Variants in CRIM1 observed in about 807,000 individuals in gnomAD.
CRIM1 encodes cysteine-rich motor neuron 1 protein.
Under a neutral mutation model 116.4 loss-of-function variants are expected in CRIM1, and 32 were observed. That is an observed-to-expected ratio of 0.27 (90% confidence interval 0.21 to 0.37). The LOEUF (loss-of-function observed/expected upper bound fraction) is 0.37, where lower values mean the gene tolerates loss of function less well. CRIM1 is among the 10% of genes least tolerant of loss of function. The pLI, the probability that CRIM1 is intolerant of heterozygous loss-of-function variation, is 1.00. For missense variants in CRIM1, 1,331 were observed against 1,354.8 expected (o/e 0.98, Z 0.28); for synonymous variants, 590 against 509.2 (o/e 1.16, Z -2.13).
chr2:36,537,382 A>G lies in CRIM1; in HGVS notation c.2459A>G (p.His820Arg), dbSNP rs1468972678. Residue 820 changes from histidine to arginine, a missense_variant, in exon 14 of 17, where the codon CAC becomes CGC. His to Arg is a conservative substitution (Grantham distance 29). Coordinates refer to ENST00000280527, the MANE Select transcript of CRIM1 (RefSeq NM_016441.3). ...EDTIPKKVVC[H>R]FSGKAYADEE... ...ACAATTCCAAAGAAGGTGGTGTGCC[A>G]CTTCAGTGGGAAGGCCTATGCCGAC... The G allele has an allele frequency of 6.2e-7, 1 of 1,614,234 alleles. No individual in the cohort carries two copies. The highest frequency in any genetic ancestry group is 8.5e-7 in the Non-Finnish European group (1 of 1,180,042).
At chr2:36,411,962 C>T (rs1673243760) in intron 2 of CRIM1, among the ~76,000 whole-genome samples, 1 of 152,202 alleles carries the variant, frequency 6.6e-6, no homozygotes, top group Admixed American at 6.5e-5. Context: ...CCACACCCAA[C>T]TTTGCAATTA....
At chr2:36,471,538 A>G (rs1678515217) in intron 5 of CRIM1, among the ~76,000 whole-genome samples, 1 of 152,174 alleles carries the variant, frequency 6.6e-6, no homozygotes, top group Non-Finnish European at 1.5e-5. Flanking sequence ...GATCGTTAGC[A>G]GTTTTTAGCA....
chr2:36,373,561 T>C (rs1354116400), intron 1 of CRIM1, among the ~76,000 whole-genome samples: 2 of 152,188 alleles, frequency 1.3e-5, no homozygotes, highest in Non-Finnish European at 2.9e-5. Context: ...CACATTTGTT[T>C]GTGATAGAGA....
intron 3 of CRIM1, 21 bp downstream of exon 3, chr2:36,441,521 A>G: frequency 6.2e-7 from 1 of 1,603,566 alleles, no homozygotes; most frequent in Non-Finnish European, 8.5e-7. Context: ...GCTCTGTCTC[A>G]GCAGCCTTGT....
chr2:36,367,259 A>G (rs774742184), intron 1 of CRIM1, among the ~76,000 whole-genome samples: 42 of 152,348 alleles, frequency 2.8e-4, no homozygotes, highest in Middle Eastern at 3.4e-3. Flanking sequence ...CATCAAAATG[A>G]AAGACCAAAT....
chr2:36,539,902 A>T (rs1035335473), intron 14 of CRIM1, among the ~76,000 whole-genome samples: 10 of 152,188 alleles, frequency 6.6e-5, no homozygotes, highest in Admixed American at 3.3e-4. Context: ...AAGTTTAGCC[A>T]TAGGTGGTTT....
chr2:36,494,655 CAG>C (rs1181721589), intron 7 of CRIM1, among the ~76,000 whole-genome samples: 1 of 152,124 alleles, frequency 6.6e-6, no homozygotes, highest in African/African-American at 2.4e-5. Flanking sequence ...GTTTCCCACT[CAG>C]ATGCTGAGTA....
intron 1 of CRIM1, among the ~76,000 whole-genome samples, chr2:36,377,490 A>G (rs1469959535): frequency 1.3e-5 from 2 of 152,208 alleles, no homozygotes; most frequent in East Asian, 1.9e-4. Flanking sequence ...GCGACCTGGC[A>G]TGGTGTGTTA....
intron 4 of CRIM1, among the ~76,000 whole-genome samples, chr2:36,462,644 G>T (rs535014377): frequency 6.6e-6 from 1 of 152,324 alleles, no homozygotes; most frequent in African/African-American, 2.4e-5. Context: ...TAGAAGATTT[G>T]TAAGAGAAGG....
At chr2:36,477,656 C>T (rs1375110037) in intron 6 of CRIM1, among the ~76,000 whole-genome samples, 1 of 152,194 alleles carries the variant, frequency 6.6e-6, no homozygotes, top group African/African-American at 2.4e-5. Context: ...AGGTGTGACT[C>T]TCAGGAATCT....
At chr2:36,375,786 C>G (rs1291784362) in intron 1 of CRIM1, among the ~76,000 whole-genome samples, 1 of 152,142 alleles carries the variant, frequency 6.6e-6, no homozygotes, top group Non-Finnish European at 1.5e-5. Context: ...AGGGAGCATA[C>G]TTTGTACTAA....
intron 15 of CRIM1, among the ~76,000 whole-genome samples, chr2:36,544,882 G>A (rs114680928): frequency 6.2e-4 from 95 of 152,190 alleles, no homozygotes; most frequent in East Asian, 3.5e-3. Context: ...TGTAGATTCC[G>A]CACTGAGCAT....
intron 5 of CRIM1, among the ~76,000 whole-genome samples, chr2:36,476,191 G>C (rs1011570867): frequency 1.3e-5 from 2 of 152,078 alleles, no homozygotes; most frequent in African/African-American, 4.8e-5. Flanking sequence ...ACATAACCCT[G>C]AAGCACAATG....
chr2:36,494,178 T>G (rs2125074623), intron 7 of CRIM1, among the ~76,000 whole-genome samples: 2 of 152,340 alleles, frequency 1.3e-5, no homozygotes, highest in South Asian at 4.1e-4. Flanking sequence ...TCATTTTAAC[T>G]TTATATTTTT....
At chr2:36,544,293 A>G in intron 14 of CRIM1, 83 bp from the exon 15 acceptor site, 2 of 1,198,722 alleles carry the variant, frequency 1.7e-6, no homozygotes, top group Non-Finnish European at 2.2e-6. Flanking sequence ...TCTTGAATTG[A>G]GTGCACCATT....
intron 1 of CRIM1, among the ~76,000 whole-genome samples, chr2:36,374,938 A>G (rs1670210061): frequency 6.6e-6 from 1 of 151,510 alleles, no homozygotes; most frequent in African/African-American, 2.4e-5. Flanking sequence ...AAGTTAACTA[A>G]CGATTTGTAG....
intron 1 of CRIM1, among the ~76,000 whole-genome samples, chr2:36,383,400 C>G (rs560082612): frequency 2.8e-4 from 42 of 152,190 alleles, no homozygotes; most frequent in African/African-American, 1.0e-3. Context: ...TCAATCATTC[C>G]CAAAAGATTT....
chr2:36,465,459 G>A (rs1002423594), intron 5 of CRIM1, among the ~76,000 whole-genome samples: 12 of 152,172 alleles, frequency 7.9e-5, no homozygotes, highest in Non-Finnish European at 1.5e-4. Flanking sequence ...GATGGAGATG[G>A]ATTTGGACAA....
At chr2:36,541,905 G>A (rs1051797751) in intron 14 of CRIM1, among the ~76,000 whole-genome samples, 3 of 152,170 alleles carry the variant, frequency 2.0e-5, no homozygotes, top group Admixed American at 6.5e-5. Flanking sequence ...TCTAGGCGTG[G>A]AAACAAATAG....
Sources: allele counts gnomAD v4.1 joint callset (sites outside exome capture counted in the v4.1 genomes callset), GRCh38; gene constraint gnomAD v4.1.1; transcripts MANE v1.5; gene names NCBI Gene and HGNC (gene_info 2026-07-23, HGNC 2026-07-21).